The following LGR5 variants were observed in gnomAD, a reference collection of about 807,000 sequenced individuals.
LGR5 encodes the protein leucine-rich repeat-containing G protein-coupled receptor 5.
A neutral mutation model predicts 76.7 loss-of-function variants in LGR5; 54 were observed. That is an observed-to-expected ratio of 0.70 (90% CI 0.57 to 0.88). LGR5 has a LOEUF of 0.88. LGR5 is among the 40% of genes least tolerant of loss of function. The pLI, the probability that LGR5 is intolerant of heterozygous loss-of-function variation, is 0.00. For synonymous variants in LGR5, 406 were observed against 421.9 expected (o/e 0.96, Z 0.46); for missense variants, 1,078 against 1,073.3 (o/e 1.00, Z -0.06).
chr12:71,536,170 T>C (rs934564071), intron 4 of LGR5, among the ~76,000 whole-genome samples: 4 of 152,176 alleles, frequency 2.6e-5, no homozygotes, highest in Admixed American at 2.0e-4. Flanking sequence ...ATAAATGCAT[T>C]AAAAGGGCAA....
At chr12:71,453,759 T>G (rs953315926) in intron 1 of LGR5, among the ~76,000 whole-genome samples, 7 of 152,062 alleles carry the variant, frequency 4.6e-5, no homozygotes, top group Admixed American at 3.9e-4. Context: ...GAACAAAAAC[T>G]GATTTAAAGA....
At chr12:71,570,071 A>G (rs1202991859) in intron 11 of LGR5, among the ~76,000 whole-genome samples, 1 of 151,938 alleles carries the variant, frequency 6.6e-6, no homozygotes, top group East Asian at 1.9e-4. Context: ...GAAACCAAAC[A>G]TTGCAAGTTC....
intron 2 of LGR5, among the ~76,000 whole-genome samples, chr12:71,519,636 C>CA (rs944045797): frequency 4.1e-5 from 6 of 146,320 alleles, no homozygotes; most frequent in Admixed American, 6.8e-5. Context: ...CTGTCTCTAC[C>CA]AAAAAAAACA....
chr12:71,561,160 T>G (rs1755730047), intron 7 of LGR5, among the ~76,000 whole-genome samples: 1 of 152,166 alleles, frequency 6.6e-6, no homozygotes, highest in Admixed American at 6.5e-5. Context: ...AAACCCCATG[T>G]GTGGCTTAGC....
At chr12:71,530,051 C>G (rs1169860324) in intron 3 of LGR5, among the ~76,000 whole-genome samples, 1 of 151,752 alleles carries the variant, frequency 6.6e-6, no homozygotes, top group East Asian at 1.9e-4. Context: ...TATAATGACA[C>G]TTACATCATC....
At position 71,564,865 on chromosome 12, in the gene LGR5, G is replaced by GTACACACACAC. The variant is rs1453190690; in HGVS notation, c.858-1538_858-1537insACACACACACT. Among the ~76,000 whole-genome samples the GTACACACACAC allele has an allele frequency of 6.3e-4, 94 of 149,660 alleles. 2 individuals carry two copies. The highest frequency in any genetic ancestry group is 2.0e-3 in the African/African-American group (83 of 40,742). Reference sequence around the variant, plus strand: ...ACACTGTGTATATATACACATATATGTGCACACACTGTATATATACATATA... The same window carrying GTACACACACAC: ...ACACTGTGTATATATACACATATATGTACACACACACTGCACACACTGTATATATACATATA... On this transcript the variant is annotated intron_variant, in intron 8 of 17. Transcript: ENST00000266674.
In LGR5 at chr12:71,582,461, C is replaced by A. The variant is rs145133989; in HGVS notation, c.1558C>A (p.Arg520Ser). ...CAGGACTTCTTGTGCTGCAGATGAA[C>A]GTGACCTTGAAGATTTCCTGCTTGA... ...DAGMFQAQDE[R>S]DLEDFLLDFE... The change falls in exon 17 of 18, where the codon CGT (arginine) becomes AGT (serine). Residue 520 changes from arginine (R) to serine (S), a missense_variant. By Grantham distance (110) the Arg-to-Ser change is moderately radical (BLOSUM62 -1). Transcript: ENST00000266674. The A allele has an allele frequency of 5.6e-6, 9 of 1,613,800 alleles. No individual in the cohort carries two copies. In the South Asian group the frequency reaches 7.7e-5, roughly 14 times the overall value.
intron 3 of LGR5, among the ~76,000 whole-genome samples, chr12:71,527,827 G>A (rs994364869): frequency 1.3e-5 from 2 of 152,184 alleles, no homozygotes; most frequent in Admixed American, 6.5e-5. Context: ...GGTTCTGCCT[G>A]TTACAGAGTG....
intron 3 of LGR5, among the ~76,000 whole-genome samples, 159 bp downstream of exon 3, chr12:71,524,636 C>T (rs35110093): frequency 0.096 from 14,633 of 152,172 alleles, 736 homozygotes; most frequent in Non-Finnish European, 0.11. Flanking sequence ...AGCCATATCA[C>T]ACTTGGCTAA....
At chr12:71,511,620 A>G (rs1164885177) in intron 2 of LGR5, among the ~76,000 whole-genome samples, 1 of 152,196 alleles carries the variant, frequency 6.6e-6, no homozygotes, top group African/African-American at 2.4e-5. Context: ...AACCACTTCC[A>G]GGTGATGTCA....
At chr12:71,536,285 T>G (rs887416288) in intron 4 of LGR5, among the ~76,000 whole-genome samples, 4 of 152,234 alleles carry the variant, frequency 2.6e-5, no homozygotes, top group Non-Finnish European at 2.9e-5. Context: ...CGAGGTAACA[T>G]AGAAGGAGGA....
At chr12:71,574,251 C>G (rs1448811360) in intron 13 of LGR5, among the ~76,000 whole-genome samples, 1 of 122,348 alleles carries the variant, frequency 8.2e-6, no homozygotes, top group Non-Finnish European at 1.6e-5. Flanking sequence ...TGCAGTGAGC[C>G]GAGATCACGC....
intron 1 of LGR5, among the ~76,000 whole-genome samples, chr12:71,467,929 G>A (rs2137237772): frequency 6.6e-6 from 1 of 152,278 alleles, no homozygotes. Flanking sequence ...TCACAAAGTT[G>A]AGAGAAATGC....
At chr12:71,498,882 G>T (rs1427438209) in intron 1 of LGR5, among the ~76,000 whole-genome samples, 1 of 152,212 alleles carries the variant, frequency 6.6e-6, no homozygotes, top group African/African-American at 2.4e-5. Context: ...GTGCCCCATG[G>T]GCATGATGGG....
intron 2 of LGR5, among the ~76,000 whole-genome samples, chr12:71,518,321 A>C (rs921807892): frequency 6.6e-6 from 1 of 152,226 alleles, no homozygotes; most frequent in Admixed American, 6.5e-5. Flanking sequence ...CACCAGTCAG[A>C]ATGCCTGTAA....
At chr12:71,510,973 G>A (rs900188067) in intron 2 of LGR5, among the ~76,000 whole-genome samples, 1 of 152,154 alleles carries the variant, frequency 6.6e-6, no homozygotes, top group African/African-American at 2.4e-5. Context: ...AGCTGGAGAG[G>A]AAGGAAAAGA....
chr12:71,530,931 C>G (rs1320004153), intron 3 of LGR5, among the ~76,000 whole-genome samples: 1 of 151,604 alleles, frequency 6.6e-6, no homozygotes, highest in African/African-American at 2.4e-5. Flanking sequence ...TAACCAAGTT[C>G]CCACTCAGCA....
intron 11 of LGR5, among the ~76,000 whole-genome samples, chr12:71,567,594 C>T (rs1878410458): frequency 6.6e-6 from 1 of 152,138 alleles, no homozygotes; most frequent in Non-Finnish European, 1.5e-5. Context: ...CATGGCTCTG[C>T]ACTCACATAG....
chr12:71,520,779 A>T (rs144189228), intron 2 of LGR5, among the ~76,000 whole-genome samples: 1 of 152,240 alleles, frequency 6.6e-6, no homozygotes, highest in African/African-American at 2.4e-5. Context: ...TAACGAGTTG[A>T]TGAGTGCAGC....
Sources: allele counts gnomAD v4.1 joint callset (sites outside exome capture counted in the v4.1 genomes callset), GRCh38; gene constraint gnomAD v4.1.1; transcripts MANE v1.5; gene names NCBI Gene and HGNC (gene_info 2026-07-23, HGNC 2026-07-21).